The following THSD4 variants were observed in gnomAD, a reference collection of about 807,000 sequenced individuals.
THSD4 encodes the protein thrombospondin type 1 domain containing 4.
A neutral mutation model predicts 119.0 loss-of-function variants in THSD4; 69 were observed. That is an observed-to-expected ratio of 0.58 (90% CI 0.48 to 0.71). The LOEUF (loss-of-function observed/expected upper bound fraction) is 0.71. Among genes scored for constraint, THSD4 ranks in the 30% least tolerant of loss-of-function variants. The pLI, the probability that THSD4 is intolerant of heterozygous loss-of-function variation, is 0.00. For synonymous variants in THSD4, 524 were observed against 540.4 expected (o/e 0.97, Z 0.42); for missense variants, 1,393 against 1,391.1 (o/e 1.00, Z -0.02).
intron 7 of THSD4, among the ~76,000 whole-genome samples, chr15:71,659,788 G>A (rs1168653927): frequency 6.6e-6 from 1 of 152,186 alleles, no homozygotes; most frequent in Non-Finnish European, 1.5e-5. Flanking sequence ...AAAGCAAAAA[G>A]ATCTTAGAAT....
At chr15:71,216,104 C>T (rs2043930404) in intron 4 of THSD4, among the ~76,000 whole-genome samples, 1 of 152,232 alleles carries the variant, frequency 6.6e-6, no homozygotes, top group Non-Finnish European at 1.5e-5. Context: ...TAGATACTAA[C>T]AGATCACTGC....
chr15:71,193,292 G>T (rs2043688963), intron 3 of THSD4, among the ~76,000 whole-genome samples: 1 of 152,146 alleles, frequency 6.6e-6, no homozygotes, highest in South Asian at 2.1e-4. Context: ...TGGTGATTGG[G>T]GTGGTGGTAG....
chr15:71,605,108 A>G (rs893770172), intron 7 of THSD4, among the ~76,000 whole-genome samples: 1 of 152,290 alleles, frequency 6.6e-6, no homozygotes, highest in Admixed American at 6.5e-5. Context: ...AGAAAGGTGC[A>G]TCTCTTACAT....
At chr15:71,448,272 T>A (rs1365131972) in intron 7 of THSD4, among the ~76,000 whole-genome samples, 1 of 152,242 alleles carries the variant, frequency 6.6e-6, no homozygotes, top group Non-Finnish European at 1.5e-5. Context: ...GAAGACAATG[T>A]TGAGAAGACT....
intron 15 of THSD4, 108 bp downstream of exon 15, chr15:71,758,183 C>A: frequency 7.6e-7 from 1 of 1,307,378 alleles, no homozygotes; most frequent in Non-Finnish European, 1.0e-6. Context: ...TGAATCCCAG[C>A]AGTGCCACTG....
At chr15:71,341,173 A>G (rs1488638718) in intron 6 of THSD4, 6 of 1,448,344 alleles carry the variant, frequency 4.1e-6, no homozygotes, top group Non-Finnish European at 5.7e-6. Flanking sequence ...CCCGTGCCAT[A>G]AGTTTTTGTT....
At position 71,245,193 on chromosome 15, in the gene THSD4, G is replaced by A. The variant is rs142442894; in HGVS notation, c.912+2097G>A. Among the ~76,000 whole-genome samples, 9 of 152,262 alleles carry A rather than the reference G, an allele frequency of 5.9e-5. No individual in the cohort carries two copies. In the East Asian group the frequency reaches 1.2e-3, roughly 20 times the overall value. On this transcript the variant is annotated intron_variant, in intron 5 of 17. Transcript: ENST00000261862. ...AGCCAAAGAAGTACATGTTGACACG[G>A]GATTGTATAGGTGTAGTTCCCTTCT...
rs867107092 is a variant in THSD4, at chr15:71,748,523, C to A, written c.2344C>A (p.Pro782Thr). ...TGAGGAATGCAACATGAAGCTCCGG[C>A]CGAATGACATTGAGAACTGCGACAT... The part of the protein sequence containing the change: ...DDEECNMKLR[P>T]NDIENCDMGP... The change falls in exon 14 of 18, where the codon CCG becomes ACG. Residue 782 changes from proline to threonine, a missense_variant. Transcript: ENST00000261862. 26 of 1,614,076 alleles carry A rather than the reference C, an allele frequency of 1.6e-5. No homozygotes were observed. The African/African-American group carries it at 2.1e-4, about 13-fold the overall frequency.
intron 3 of THSD4, among the ~76,000 whole-genome samples, chr15:71,167,522 G>A (rs2043305077): frequency 6.6e-6 from 1 of 152,108 alleles, no homozygotes; most frequent in Non-Finnish European, 1.5e-5. Flanking sequence ...TCTGCTCCTG[G>A]GACTTTAAGA....
intron 7 of THSD4, among the ~76,000 whole-genome samples, chr15:71,512,430 A>G (rs567007574): frequency 6.6e-6 from 1 of 152,360 alleles, no homozygotes; most frequent in South Asian, 2.1e-4. Context: ...TGCGTTTACA[A>G]TAACTATTAA....
At chr15:71,633,269 C>CTTTTTTTTTTTTTT (rs67682951) in intron 7 of THSD4, among the ~76,000 whole-genome samples, 23 of 63,160 alleles carry the variant, frequency 3.6e-4, no homozygotes, top group Non-Finnish European at 5.3e-4. Context: ...TTCTTTCTTT[C>CTTTTTTTTTTTTTT]TTTTTTTTTT....
chr15:71,681,867 C>T (rs1332557288), intron 8 of THSD4, among the ~76,000 whole-genome samples: 1 of 151,996 alleles, frequency 6.6e-6, no homozygotes. Context: ...CAGACCTAGG[C>T]AAGTATGAGG....
intron 7 of THSD4, among the ~76,000 whole-genome samples, chr15:71,550,021 C>T (rs2140856755): frequency 6.6e-6 from 1 of 152,300 alleles, no homozygotes; most frequent in African/African-American, 2.4e-5. Context: ...AAGAACTGTG[C>T]CTTCTTTAAT....
At chr15:71,277,183 T>G (rs2044603208) in intron 6 of THSD4, among the ~76,000 whole-genome samples, 1 of 141,608 alleles carries the variant, frequency 7.1e-6, no homozygotes, top group Non-Finnish European at 1.5e-5. Flanking sequence ...TGGAGTGCAG[T>G]GGTGCATTCT....
chr15:71,492,721 GT>G (rs943201685), intron 7 of THSD4, among the ~76,000 whole-genome samples: 1 of 151,822 alleles, frequency 6.6e-6, no homozygotes, highest in Non-Finnish European at 1.5e-5. Context: ...TGTGTCCCAG[GT>G]CCAGAGTTAG....
At chr15:71,634,745 C>T (rs988946784) in intron 7 of THSD4, among the ~76,000 whole-genome samples, 1 of 152,176 alleles carries the variant, frequency 6.6e-6, no homozygotes, top group African/African-American at 2.4e-5. Context: ...ATATGCTGCT[C>T]CACGGTGGCA....
At chr15:71,336,578 A>G (rs1367491887) in intron 6 of THSD4, among the ~76,000 whole-genome samples, 1 of 152,208 alleles carries the variant, frequency 6.6e-6, no homozygotes, top group Non-Finnish European at 1.5e-5. Flanking sequence ...TTTGTTTTGA[A>G]GTACCACATG....
intron 8 of THSD4, among the ~76,000 whole-genome samples, chr15:71,700,274 G>A (rs1432762365): frequency 1.3e-5 from 2 of 151,974 alleles, no homozygotes; most frequent in African/African-American, 4.8e-5. Context: ...AAACTCAATA[G>A]CTTTCCTATA....
intron 8 of THSD4, among the ~76,000 whole-genome samples, chr15:71,681,907 A>G (rs1038266655): frequency 3.3e-5 from 5 of 152,088 alleles, no homozygotes; most frequent in African/African-American, 4.8e-5. Context: ...CTCTTTTAAT[A>G]TGAATACTGA....
Sources: allele counts gnomAD v4.1 joint callset (sites outside exome capture counted in the v4.1 genomes callset), GRCh38; gene constraint gnomAD v4.1.1; transcripts MANE v1.5; gene names NCBI Gene and HGNC (gene_info 2026-07-23, HGNC 2026-07-21).